Variants in GPHN observed in about 807,000 individuals in gnomAD.
GPHN encodes gephyrin.
In GPHN, 17 loss-of-function variants were observed where a neutral mutation model predicts 95.5. That is an observed-to-expected ratio of 0.18 (90% CI 0.12 to 0.27). The LOEUF is 0.27. GPHN is among the 10% of genes least tolerant of loss of function. The pLI is 1.00. For synonymous variants in GPHN, 320 were observed against 322.5 expected (o/e 0.99, Z 0.08); for missense variants, 660 against 978.1 (o/e 0.67, Z 4.34).
At chr14:67,315,184 T>G in the GPHN span, among the ~76,000 whole-genome samples, 1 of 152,006 alleles carries the variant, frequency 6.6e-6, no homozygotes, top group Non-Finnish European at 1.5e-5. Flanking sequence ...CAGAAGTACA[T>G]CATTGTAATG....
intron 9 of GPHN, among the ~76,000 whole-genome samples, chr14:66,996,006 C>T (rs1218385125): frequency 6.6e-6 from 1 of 151,996 alleles, no homozygotes; most frequent in African/African-American, 2.4e-5. Flanking sequence ...CAAAGTTTTC[C>T]TTCAAATAAC....
the GPHN span, among the ~76,000 whole-genome samples, chr14:67,621,399 T>C: frequency 2.6e-5 from 4 of 152,176 alleles, no homozygotes; most frequent in Non-Finnish European, 5.9e-5. Flanking sequence ...ATAGGTCTTA[T>C]AGGCTCACTG....
chr14:67,180,727 T>G, intron 22 of GPHN, 77 bp from the exon 23 acceptor site: 1 of 1,422,154 alleles, frequency 7.0e-7, no homozygotes, highest in Admixed American at 1.8e-5. Context: ...TCTGTTTACA[T>G]TTTGAAAAGG....
At chr14:67,138,159 T>C (rs972952523) in intron 17 of GPHN, among the ~76,000 whole-genome samples, 2 of 152,192 alleles carry the variant, frequency 1.3e-5, no homozygotes, top group Admixed American at 1.3e-4. Context: ...AAACACAGGA[T>C]GAGTTTGAAC....
the GPHN span, among the ~76,000 whole-genome samples, chr14:67,297,290 A>G: frequency 6.6e-6 from 1 of 152,228 alleles, no homozygotes. Context: ...ATGAAGTTGT[A>G]TAGGAACAGG....
chr14:67,204,439 C>T, the GPHN span: 4 of 1,395,022 alleles, frequency 2.9e-6, no homozygotes, highest in Non-Finnish European at 2.8e-6. Context: ...GAGAACTTGT[C>T]TCAAAACAAA....
chr14:67,445,779 A>AT, the GPHN span, among the ~76,000 whole-genome samples: 1 of 151,196 alleles, frequency 6.6e-6, no homozygotes, highest in African/African-American at 2.4e-5. Context: ...TAGAGATGGG[A>AT]TTTTGCCATG....
chr14:67,209,131 T>G, the GPHN span, among the ~76,000 whole-genome samples: 50 of 152,202 alleles, frequency 3.3e-4, no homozygotes, highest in African/African-American at 1.1e-3. Context: ...TGGCAGAGTT[T>G]ACGTGATTCA....
chr14:66,914,854 C>T (rs2065831608), intron 5 of GPHN, among the ~76,000 whole-genome samples: 1 of 152,014 alleles, frequency 6.6e-6, no homozygotes, highest in South Asian at 2.1e-4. Flanking sequence ...TAAACAGGAA[C>T]ATATTAAGAA....
intron 9 of GPHN, among the ~76,000 whole-genome samples, chr14:66,998,144 G>T (rs1307860378): frequency 6.6e-6 from 1 of 152,094 alleles, no homozygotes; most frequent in East Asian, 1.9e-4. Context: ...GGCTTCTTGG[G>T]GGCATTATGT....
intron 21 of GPHN, among the ~76,000 whole-genome samples, chr14:67,169,629 C>A (rs2082483923): frequency 6.6e-6 from 1 of 152,232 alleles, no homozygotes; most frequent in Admixed American, 6.5e-5. Flanking sequence ...TACTACTCAA[C>A]TAATTATGTT....
chr14:66,525,462 A>G (rs1340478908), intron 1 of GPHN, among the ~76,000 whole-genome samples: 1 of 152,102 alleles, frequency 6.6e-6, no homozygotes, highest in Admixed American at 6.5e-5. Flanking sequence ...CTCTGATGGT[A>G]GTTTCTTTTG....
At chr14:67,618,758 A>G in the GPHN span, among the ~76,000 whole-genome samples, 1 of 152,120 alleles carries the variant, frequency 6.6e-6, no homozygotes, top group Non-Finnish European at 1.5e-5. Context: ...ACTGCCTTAC[A>G]GTGGTTATTT....
chr14:67,193,380 G>T, the GPHN span, among the ~76,000 whole-genome samples: 104 of 126,040 alleles, frequency 8.3e-4, no homozygotes, highest in Admixed American at 1.3e-3. Flanking sequence ...TATATATCTA[G>T]ATATATCTAG....
At chr14:66,616,691 T>C (rs889089480) in intron 1 of GPHN, among the ~76,000 whole-genome samples, 2 of 152,032 alleles carry the variant, frequency 1.3e-5, no homozygotes, top group African/African-American at 4.8e-5. Flanking sequence ...CTCACCCAGT[T>C]AGGGGCATGG....
At chr14:67,144,898 AAGTGTTGT>A (rs1170227481) in intron 18 of GPHN, among the ~76,000 whole-genome samples, 1 of 152,292 alleles carries the variant, frequency 6.6e-6, no homozygotes, top group East Asian at 1.9e-4. Context: ...CCAGGAGTGA[AAGTGTTGT>A]AGTGTGTGTA....
chr14:66,829,157 A>G (rs1167216589), intron 4 of GPHN, among the ~76,000 whole-genome samples: 2 of 137,372 alleles, frequency 1.5e-5, no homozygotes, highest in Non-Finnish European at 3.0e-5. Context: ...GCATGATCTC[A>G]GCTCACTGCA....
chr14:66,962,536 A>G (rs991141344), intron 8 of GPHN, among the ~76,000 whole-genome samples: 1 of 151,594 alleles, frequency 6.6e-6, no homozygotes, highest in Admixed American at 6.6e-5. Flanking sequence ...ACTTCCCCTT[A>G]TTCTCATCAA....
At chr14:67,517,129 G>A in the GPHN span, among the ~76,000 whole-genome samples, 3 of 152,200 alleles carry the variant, frequency 2.0e-5, no homozygotes, top group African/African-American at 7.2e-5. Flanking sequence ...AGAGACGCAG[G>A]AGACAGTGTC....
Sources: gnomAD v4.1 joint callset for allele counts (sites outside exome capture counted in the v4.1 genomes callset) on GRCh38, gnomAD v4.1.1 for gene constraint, MANE v1.5 for transcripts, NCBI Gene and HGNC (gene_info 2026-07-23, HGNC 2026-07-21) for gene names.